The following TMEM260 variants were observed in gnomAD, a reference collection of about 807,000 sequenced individuals.
The protein encoded by TMEM260 is transmembrane protein 260.
TMEM260 carries 82 observed loss-of-function variants against 88.9 expected under a neutral mutation model. The ratio of observed to expected loss-of-function variants is 0.92; its 90% CI spans 0.77 to 1.11. The LOEUF (loss-of-function observed/expected upper bound fraction) is 1.11. TMEM260 is among the 50% of genes least tolerant of loss of function. The pLI, the probability that TMEM260 is intolerant of heterozygous loss-of-function variation, is 0.00. For missense variants in TMEM260, 902 were observed against 853.4 expected, an observed-to-expected ratio of 1.06 and a Z score of -0.71; for synonymous variants, 314 against 309.3, an observed-to-expected ratio of 1.02 and a Z score of -0.16.
At chr14:56,630,215 T>C (rs1260259820) in intron 12 of TMEM260, among the ~76,000 whole-genome samples, 1 of 152,228 alleles carries the variant, frequency 6.6e-6, no homozygotes, top group Non-Finnish European at 1.5e-5. Context: ...TTGATTATGA[T>C]ATATTTTAGC....
chr14:56,582,414 G>T (rs1885194710), intron 1 of TMEM260, among the ~76,000 whole-genome samples: 1 of 152,168 alleles, frequency 6.6e-6, no homozygotes, highest in African/African-American at 2.4e-5. Flanking sequence ...TTATTTCAAA[G>T]ATACTGTCTT....
intron 12 of TMEM260, 99 bp from the exon 13 acceptor site, chr14:56,632,896 T>C: frequency 1.7e-6 from 2 of 1,174,374 alleles, no homozygotes; most frequent in African/African-American, 3.1e-5. Context: ...GTAATAACTG[T>C]TGGGAAAAAA....
intron 15 of TMEM260, among the ~76,000 whole-genome samples, chr14:56,642,870 T>G (rs1423271516): frequency 6.6e-6 from 1 of 152,150 alleles, no homozygotes; most frequent in Admixed American, 6.5e-5. Flanking sequence ...CATCAGAGAC[T>G]ACTATAAACA....
At chr14:56,602,370 A>G (rs1469132327) in intron 3 of TMEM260, among the ~76,000 whole-genome samples, 2 of 152,126 alleles carry the variant, frequency 1.3e-5, no homozygotes, top group African/African-American at 2.4e-5. Context: ...AGCCTGACTA[A>G]TTGGTGGAGA....
intron 14 of TMEM260, among the ~76,000 whole-genome samples, chr14:56,636,246 G>A (rs1889056717): frequency 6.8e-6 from 1 of 146,756 alleles, no homozygotes. Flanking sequence ...TACATTTGGA[G>A]GATGAACAAT....
chr14:56,597,073 T>C (rs923369928), intron 3 of TMEM260, among the ~76,000 whole-genome samples: 9 of 152,046 alleles, frequency 5.9e-5, no homozygotes, highest in Non-Finnish European at 1.2e-4. Context: ...TTAGAGAAAA[T>C]ATTTCAGGGA....
intron 11 of TMEM260, among the ~76,000 whole-genome samples, chr14:56,622,392 A>G (rs997335132): frequency 4.6e-5 from 7 of 152,034 alleles, no homozygotes; most frequent in South Asian, 2.1e-4. Flanking sequence ...AGCTAACTCA[A>G]CCATTCAAAT....
intron 3 of TMEM260, among the ~76,000 whole-genome samples, chr14:56,593,845 G>A (rs1469096436): frequency 6.6e-5 from 10 of 150,702 alleles, no homozygotes; most frequent in Admixed American, 5.3e-4. Flanking sequence ...CCGCCACCGC[G>A]CCCGGCTAAT....
the TMEM260 span, among the ~76,000 whole-genome samples, chr14:56,657,182 A>C: frequency 1.3e-5 from 2 of 152,136 alleles, no homozygotes; most frequent in African/African-American, 2.4e-5. Flanking sequence ...TGCAGTCCAG[A>C]GCACAGGGGC....
chr14:56,632,310 A>G (rs1447695561), intron 12 of TMEM260, among the ~76,000 whole-genome samples: 2 of 152,146 alleles, frequency 1.3e-5, no homozygotes, highest in Non-Finnish European at 2.9e-5. Flanking sequence ...GACAGAGAGA[A>G]AAAGCAATGG....
intron 12 of TMEM260, among the ~76,000 whole-genome samples, chr14:56,627,324 C>T (rs1888301406): frequency 6.6e-6 from 1 of 152,054 alleles, no homozygotes; most frequent in Non-Finnish European, 1.5e-5. Flanking sequence ...TCAGAAACAA[C>T]ACATATATAA....
intron 12 of TMEM260, among the ~76,000 whole-genome samples, chr14:56,628,320 C>T (rs945118609): frequency 6.6e-6 from 1 of 152,190 alleles, no homozygotes; most frequent in Admixed American, 6.5e-5. Context: ...AGGTACGCAA[C>T]CTCTGTCAAA....
At chr14:56,586,788 G>A (rs1457416180) in intron 3 of TMEM260, among the ~76,000 whole-genome samples, 2 of 151,714 alleles carry the variant, frequency 1.3e-5, no homozygotes, top group African/African-American at 4.8e-5. Flanking sequence ...TCATAATACT[G>A]CCCTTTAGCC....
At chr14:56,621,736 G>C (rs751681956) in intron 11 of TMEM260, 34 bp downstream of exon 11, 4 of 1,548,880 alleles carry the variant, frequency 2.6e-6, no homozygotes, top group Non-Finnish European at 2.6e-6. Flanking sequence ...AGAATATAGC[G>C]ATGATTTAAA....
intron 12 of TMEM260, among the ~76,000 whole-genome samples, chr14:56,630,058 A>G (rs1306504107): frequency 6.7e-6 from 1 of 149,306 alleles, no homozygotes; most frequent in Non-Finnish European, 1.5e-5. Context: ...AAAAAAGAAG[A>G]AAAAAAAAAG....
At chr14:56,640,109 G>GACTT (rs1387328358) in intron 15 of TMEM260, among the ~76,000 whole-genome samples, 1 of 152,220 alleles carries the variant, frequency 6.6e-6, no homozygotes, top group African/African-American at 2.4e-5. Context: ...ATCCTCTGCA[G>GACTT]ACTTAAATGT....
Position 56,616,038 on chromosome 14 carries a change from C to A in TMEM260, c.941+11C>A. On this transcript the variant is annotated intron_variant, in intron 8 of 15. Coordinates refer to ENST00000261556, the MANE Select transcript of TMEM260 (RefSeq NM_017799.4). ...ATGTTTAGCAACAAAGTAAGTAATA[C>A]AATTCCTTTTTCTGTTATTTTTCTA... 6.3e-7 allele frequency: 1 copy of A among 1,578,712 alleles called. No homozygotes were observed.
At chr14:56,623,641 C>A (rs1047284783) in intron 11 of TMEM260, among the ~76,000 whole-genome samples, 4 of 152,122 alleles carry the variant, frequency 2.6e-5, no homozygotes, top group African/African-American at 9.7e-5. Context: ...CAGTTATTCT[C>A]ACATAGCAAG....
At chr14:56,643,594 T>G (rs1427647846) in intron 15 of TMEM260, among the ~76,000 whole-genome samples, 1 of 152,098 alleles carries the variant, frequency 6.6e-6, no homozygotes, top group African/African-American at 2.4e-5. Flanking sequence ...CTTTGAAAAC[T>G]GGCACAAGAC....
Sources: allele counts gnomAD v4.1 joint callset (sites outside exome capture counted in the v4.1 genomes callset), GRCh38; gene constraint gnomAD v4.1.1; transcripts MANE v1.5; gene names NCBI Gene and HGNC (gene_info 2026-07-23, HGNC 2026-07-21).